Variants in PAX3 observed in about 807,000 individuals in gnomAD.
PAX3 encodes the protein paired box protein Pax-3.
A neutral mutation model predicts 51.6 loss-of-function variants in PAX3; 14 were observed. The ratio of observed to expected loss-of-function variants is 0.27; its 90% confidence interval spans 0.18 to 0.42. The LOEUF (loss-of-function observed/expected upper bound fraction) is 0.42. Ranked by LOEUF, PAX3 falls within the 10% of genes least tolerant of loss-of-function variation. The pLI is 1.00. For missense variants in PAX3, 540 were observed against 642.8 expected, an observed-to-expected ratio of 0.84 and a Z score of 1.73; for synonymous variants, 280 against 253.4, an observed-to-expected ratio of 1.11 and a Z score of -1.00.
At chr2:222,219,141 G>A (rs964647584) in intron 7 of PAX3, among the ~76,000 whole-genome samples, 5 of 152,224 alleles carry the variant, frequency 3.3e-5, no homozygotes, top group East Asian at 1.9e-4. Context: ...CTTAGGCAGC[G>A]GTGATAGTCA....
chr2:222,215,175 GA>G (rs996927158), intron 7 of PAX3, among the ~76,000 whole-genome samples: 1 of 151,878 alleles, frequency 6.6e-6, no homozygotes, highest in East Asian at 1.9e-4. Flanking sequence ...GCTTCATAGG[GA>G]AAAAAATGTC....
At chr2:222,236,595 A>G (rs1007906162) in intron 4 of PAX3, among the ~76,000 whole-genome samples, 3 of 152,230 alleles carry the variant, frequency 2.0e-5, no homozygotes, top group East Asian at 3.8e-4. Context: ...GAAGCTTAAT[A>G]GAAAGAAATT....
At chr2:222,276,715 C>A (rs1694434625) in intron 4 of PAX3, among the ~76,000 whole-genome samples, 1 of 152,210 alleles carries the variant, frequency 6.6e-6, no homozygotes, top group Non-Finnish European at 1.5e-5. Flanking sequence ...GTGCCTAACA[C>A]AACCTTTACA....
chr2:222,271,560 T>G (rs1438795741), intron 4 of PAX3, among the ~76,000 whole-genome samples: 12 of 152,174 alleles, frequency 7.9e-5, no homozygotes, highest in Non-Finnish European at 1.3e-4. Flanking sequence ...CATATAATTC[T>G]TTGAGTTGAG....
chr2:222,208,567 C>G (rs1691601071), intron 7 of PAX3, among the ~76,000 whole-genome samples: 1 of 152,148 alleles, frequency 6.6e-6, no homozygotes, highest in Non-Finnish European at 1.5e-5. Flanking sequence ...TCACTTAACA[C>G]ACAGAGCCTC....
At chr2:222,203,007 C>A (rs1363179510) in intron 7 of PAX3, among the ~76,000 whole-genome samples, 1 of 67,248 alleles carries the variant, frequency 1.5e-5, no homozygotes, top group Non-Finnish European at 2.7e-5. Flanking sequence ...TCTAAACAAC[C>A]ATTTCATATA....
rs1202949424 is a variant in PAX3 at position 222,237,529 on chromosome 2, A to T, written c.587-5246T>A. Among the ~76,000 whole-genome samples the T allele has an allele frequency of 4.6e-5, 7 of 152,350 alleles. No individual in the cohort carries two copies. In the Middle Eastern group the frequency reaches 0.01, roughly 222 times the overall value. ...TTGGATCAATATTATACACCAATCC[A>T]AACGATTTTCCAGTGGATTCAATTC... is the stretch of plus-strand genomic sequence containing the variant. On this transcript the variant is annotated intron_variant, in intron 4 of 8. Coordinates refer to ENST00000392070, the MANE Select transcript of PAX3 (RefSeq NM_181458.4).
intron 1 of PAX3, chr2:222,298,289 C>T: frequency 1.8e-6 from 1 of 554,976 alleles, no homozygotes; most frequent in Non-Finnish European, 3.2e-6. Context: ...AGGGACAAGT[C>T]TCCCCGGCTC....
rs766942977 is a variant in PAX3, at chr2:222,296,970, C to T, written c.321+8G>A. 4.7e-5 allele frequency: 76 copies of T among 1,608,506 alleles called. No homozygotes were observed. The highest frequency in any genetic ancestry group is 6.2e-5 in the Non-Finnish European group (73 of 1,177,066). ...TGGGAGCCAGGAGGGCAAGGCCCGCCCGCTCACCTTGGGCTTGCTGCCGCC... is the reference window on the plus strand; with the variant it reads ...TGGGAGCCAGGAGGGCAAGGCCCGCTCGCTCACCTTGGGCTTGCTGCCGCC... On this transcript the variant is annotated splice_region_variant and intron_variant, in intron 2 of 8. Transcript: ENST00000392070.
rs1405477595 is a variant in PAX3, at chr2:222,227,729, T to A, written c.792+4349A>T. Among the ~76,000 whole-genome samples, 279 of 145,144 alleles carry A rather than the reference T, an allele frequency of 1.9e-3. 2 individuals carry two copies. The highest frequency in any genetic ancestry group is 3.9e-3 in the Admixed American group (56 of 14,494). On this transcript the variant is annotated intron_variant, in intron 5 of 8. Coordinates refer to ENST00000392070, the MANE Select transcript of PAX3 (RefSeq NM_181458.4). ...GATGAATTAGGCAAATCATCTTTTT[T>A]AAAAAAAAAAAAAACCTTGTAGTGT...
At chr2:222,253,186 G>T (rs894318534) in intron 4 of PAX3, among the ~76,000 whole-genome samples, 2 of 152,162 alleles carry the variant, frequency 1.3e-5, no homozygotes, top group Non-Finnish European at 2.9e-5. Context: ...TCAGTTGGGT[G>T]AGCTGCCTAA....
intron 4 of PAX3, among the ~76,000 whole-genome samples, chr2:222,236,118 A>G (rs1692789285): frequency 6.6e-6 from 1 of 152,250 alleles, no homozygotes; most frequent in Non-Finnish European, 1.5e-5. Context: ...CAGCAACCCA[A>G]GATTAATCTG....
At chr2:222,278,721 C>A (rs1225022877) in intron 4 of PAX3, among the ~76,000 whole-genome samples, 1 of 152,186 alleles carries the variant, frequency 6.6e-6, no homozygotes, top group East Asian at 1.9e-4. Context: ...CAAAACTAAT[C>A]CTGTCCTTTC....
intron 4 of PAX3, among the ~76,000 whole-genome samples, chr2:222,286,768 C>G (rs1694847269): frequency 6.6e-6 from 1 of 152,104 alleles, no homozygotes; most frequent in Non-Finnish European, 1.5e-5. Context: ...CAGAAATTAC[C>G]TGTTGGTGGT....
In PAX3 at chr2:222,201,328, T is replaced by G. The variant is rs1309372389; in HGVS notation, c.*80A>C. 68 of 1,612,786 alleles carry G rather than the reference T, an allele frequency of 4.2e-5. No individual in the cohort carries two copies. The highest frequency in any genetic ancestry group is 5.0e-5 in the Non-Finnish European group (59 of 1,179,736). On this transcript the variant is annotated 3_prime_UTR_variant, in exon 9 of 9. Coordinates refer to ENST00000392070, the MANE Select transcript of PAX3 (RefSeq NM_181458.4). ...CCCCAACAAAAGGGTAATTTTTTTT[T>G]GTTTTCAGAGCAGATTCTTCATATC...
Position 222,262,237 on chromosome 2 carries a change from C to A in PAX3, c.587-29954G>T, listed in dbSNP as rs147327330. ...AGTGTATATAGCACAATTTATTTAT[C>A]CATTTTATCAGTTCTTATGTTGGTG... On this transcript the variant is annotated intron_variant, in intron 4 of 8. Coordinates refer to ENST00000392070, the MANE Select transcript of PAX3 (RefSeq NM_181458.4). Among the ~76,000 whole-genome samples, 74 of 152,270 alleles carry A rather than the reference C, an allele frequency of 4.9e-4. No homozygotes were observed. The East Asian group carries it at 0.013, about 27-fold the overall frequency.
intron 4 of PAX3, among the ~76,000 whole-genome samples, chr2:222,289,161 A>G (rs1694938548): frequency 6.6e-6 from 1 of 152,126 alleles, no homozygotes; most frequent in Non-Finnish European, 1.5e-5. Context: ...ATCTTTATTT[A>G]CCCTCATAGA....
At chr2:222,230,975 CCTTT>C (rs768082566) in intron 5 of PAX3, among the ~76,000 whole-genome samples, 25 of 151,764 alleles carry the variant, frequency 1.6e-4, no homozygotes, top group South Asian at 4.2e-4. Context: ...TATTTTTTTA[CCTTT>C]CTTAGATTGC....
At chr2:222,237,280 T>A (rs1306038411) in intron 4 of PAX3, among the ~76,000 whole-genome samples, 1 of 151,464 alleles carries the variant, frequency 6.6e-6, no homozygotes, top group East Asian at 1.9e-4. Context: ...GCTGGCTTGC[T>A]TCTAGCTTAG....
Sources: allele counts gnomAD v4.1 joint callset (sites outside exome capture counted in the v4.1 genomes callset), GRCh38; gene constraint gnomAD v4.1.1; transcripts MANE v1.5; gene names NCBI Gene and HGNC (gene_info 2026-07-23, HGNC 2026-07-21).